Variants in SDK1 observed in about 807,000 individuals in gnomAD.
SDK1 encodes sidekick cell adhesion molecule 1.
Under a neutral mutation model 245.5 loss-of-function variants are expected in SDK1, and 157 were observed. That is an observed-to-expected ratio of 0.64 (90% CI 0.56 to 0.73). SDK1 has a LOEUF of 0.73. Ranked by LOEUF, SDK1 falls within the 30% of genes least tolerant of loss-of-function variation. SDK1 has a pLI of 0.00. For synonymous variants in SDK1, 1,647 were observed against 1,278.5 expected (o/e 1.29, Z -6.15); for missense variants, 3,583 against 3,002.3 (o/e 1.19, Z -4.52).
intron 2 of SDK1, among the ~76,000 whole-genome samples, chr7:3,628,383 C>T (rs1782183564): frequency 6.6e-6 from 1 of 151,940 alleles, no homozygotes; most frequent in African/African-American, 2.4e-5. Flanking sequence ...CACTGTGTTC[C>T]CAGGCTGGCA....
chr7:3,573,540 C>G (rs1012358545), intron 1 of SDK1, among the ~76,000 whole-genome samples: 5 of 152,086 alleles, frequency 3.3e-5, no homozygotes, highest in Non-Finnish European at 7.4e-5. Flanking sequence ...CACGTGTGCA[C>G]CTCGGGAAGA....
At position 3,626,155 on chromosome 7, in the gene SDK1, G is replaced by T. The variant is rs1460176334; in HGVS notation, c.458+6916G>T. Among the ~76,000 whole-genome samples, 3 of 151,602 alleles carry T rather than the reference G, an allele frequency of 2.0e-5. 1 individual carries two copies. The highest frequency in any genetic ancestry group is 4.2e-4 in the South Asian group (2 of 4,796). On this transcript the variant is annotated intron_variant, in intron 2 of 44. Coordinates refer to ENST00000404826, the MANE Select transcript of SDK1 (RefSeq NM_152744.4). ...GGGTCTTGCTATGTTGCCCAGCCTA[G>T]TCTTGAACTCCTGGTCTCAAGCAGT...
chr7:4,129,997 G>C lies in SDK1; in HGVS notation c.4029G>C (p.Leu1343=). 6.2e-7 allele frequency: 1 copy of C among 1,613,684 alleles called. No individual in the cohort carries two copies. The change falls in exon 27 of 45, where the codon CTG becomes CTC. Residue 1343 remains leucine, a synonymous_variant. Coordinates refer to ENST00000404826, the MANE Select transcript of SDK1 (RefSeq NM_152744.4). Reference sequence around the variant, plus strand: ...CGCAGTCGGCCCTGCTGGCAGGCCTGCGCAAGTTCGTGCTCTACGAGCTCC... The same window carrying C: ...CGCAGTCGGCCCTGCTGGCAGGCCTCCGCAAGTTCGTGCTCTACGAGCTCC... ...NHTQSALLAG[L]RKFVLYELQV...
rs572089964 is a variant in SDK1 at position 3,356,786 on chromosome 7, G to A, written c.298+54902G>A. On this transcript the variant is annotated intron_variant, in intron 1 of 44. Transcript: ENST00000404826. The stretch of plus-strand genomic sequence containing the variant: ...AATACATCTTTCTGAGGCCAGGCAC[G>A]GTGGCTCATGCCTGTAATCCCAGCA... Among the ~76,000 whole-genome samples, 3 of 152,144 alleles carry A rather than the reference G, an allele frequency of 2.0e-5. No individual in the cohort carries two copies. In the East Asian group the frequency reaches 5.8e-4, roughly 29 times the overall value.
intron 22 of SDK1, among the ~76,000 whole-genome samples, chr7:4,095,407 C>T (rs1042988793): frequency 7.2e-5 from 11 of 152,280 alleles, no homozygotes; most frequent in East Asian, 1.9e-4. Flanking sequence ...GGTGGGAGTC[C>T]GGGTTTCTGA....
At chr7:3,846,416 A>G (rs1002256253) in intron 5 of SDK1, among the ~76,000 whole-genome samples, 1 of 152,204 alleles carries the variant, frequency 6.6e-6, no homozygotes, top group Non-Finnish European at 1.5e-5. Flanking sequence ...GAATTTGATT[A>G]TCTACTGATA....
At chr7:3,363,262 C>T (rs557367155) in intron 1 of SDK1, among the ~76,000 whole-genome samples, 1 of 152,260 alleles carries the variant, frequency 6.6e-6, no homozygotes, top group South Asian at 2.1e-4. Context: ...CAGCATAGTT[C>T]CCTGACGATT....
At chr7:3,358,037 G>C (rs568926078) in intron 1 of SDK1, among the ~76,000 whole-genome samples, 1 of 151,162 alleles carries the variant, frequency 6.6e-6, no homozygotes, top group Non-Finnish European at 1.5e-5. Context: ...TTTTTTTGGG[G>C]GATGGACAGA....
intron 4 of SDK1, among the ~76,000 whole-genome samples, chr7:3,674,110 C>T (rs1168003862): frequency 6.6e-6 from 1 of 152,134 alleles, no homozygotes; most frequent in Non-Finnish European, 1.5e-5. Flanking sequence ...AGACCGATCA[C>T]ATGTTGATTG....
intron 1 of SDK1, among the ~76,000 whole-genome samples, chr7:3,317,886 GT>G (rs1239599700): frequency 6.6e-6 from 1 of 152,122 alleles, no homozygotes; most frequent in East Asian, 1.9e-4. Context: ...ATATTATGCA[GT>G]TTTTATTATG....
At chr7:3,506,598 T>G (rs1782399689) in intron 1 of SDK1, among the ~76,000 whole-genome samples, 1 of 152,244 alleles carries the variant, frequency 6.6e-6, no homozygotes, top group African/African-American at 2.4e-5. Flanking sequence ...TTATATTGTT[T>G]GCTGTTTTCC....
chr7:4,072,515 A>G (rs1416090943), intron 20 of SDK1, among the ~76,000 whole-genome samples: 4 of 152,192 alleles, frequency 2.6e-5, no homozygotes, highest in African/African-American at 9.6e-5. Context: ...AGCTCCCCCC[A>G]GCACCCACCA....
At chr7:3,658,595 G>C (rs1329778546) in intron 4 of SDK1, among the ~76,000 whole-genome samples, 1 of 148,062 alleles carries the variant, frequency 6.8e-6, no homozygotes. Context: ...TAGTAGAGCT[G>C]TCACTACTAT....
intron 28 of SDK1, among the ~76,000 whole-genome samples, chr7:4,135,084 C>T (rs4723419): frequency 0.62 from 94,939 of 152,166 alleles, 30,019 homozygotes; most frequent in East Asian, 0.89. Flanking sequence ...GAGTGAGGCC[C>T]GCTGTCCACT....
At chr7:4,114,431 A>T (rs1783563478) in intron 25 of SDK1, among the ~76,000 whole-genome samples, 157 bp downstream of exon 25, 1 of 152,162 alleles carries the variant, frequency 6.6e-6, no homozygotes, top group African/African-American at 2.4e-5. Context: ...CAGACTCGGC[A>T]GGAATTTCTG....
intron 4 of SDK1, among the ~76,000 whole-genome samples, chr7:3,771,057 C>T (rs982254312): frequency 6.6e-6 from 1 of 152,102 alleles, no homozygotes; most frequent in Admixed American, 6.5e-5. Flanking sequence ...AATTGATGCT[C>T]AGCTGAAAGT....
intron 4 of SDK1, among the ~76,000 whole-genome samples, chr7:3,735,310 C>T (rs564334230): frequency 2.5e-4 from 38 of 152,256 alleles, no homozygotes; most frequent in African/African-American, 8.7e-4. Context: ...ACTTGCTAAG[C>T]AGTGACTCTC....
intron 4 of SDK1, among the ~76,000 whole-genome samples, chr7:3,743,435 G>C (rs949648477): frequency 6.6e-6 from 1 of 152,126 alleles, no homozygotes; most frequent in Non-Finnish European, 1.5e-5. Flanking sequence ...TGTATACAGA[G>C]CTAGAACTGG....
At chr7:3,505,925 T>C (rs1452042033) in intron 1 of SDK1, among the ~76,000 whole-genome samples, 2 of 152,222 alleles carry the variant, frequency 1.3e-5, no homozygotes, top group Non-Finnish European at 1.5e-5. Context: ...CCTTGTGCAA[T>C]TACTGTTATG....
Sources: gnomAD v4.1 joint callset for allele counts (sites outside exome capture counted in the v4.1 genomes callset) on GRCh38, gnomAD v4.1.1 for gene constraint, MANE v1.5 for transcripts, NCBI Gene and HGNC (gene_info 2026-07-23, HGNC 2026-07-21) for gene names.